Variants in SYT1 observed in about 807,000 individuals in gnomAD.
SYT1 encodes synaptotagmin-1.
Under a neutral mutation model 44.8 loss-of-function variants are expected in SYT1, and 8 were observed. The observed-to-expected ratio is 0.18, with a 90% CI of 0.10 to 0.32. The LOEUF (loss-of-function observed/expected upper bound fraction) is 0.32. Among genes scored for constraint, SYT1 ranks in the 10% least tolerant of loss-of-function variants. The pLI is 1.00. For missense variants in SYT1, 286 were observed against 509.3 expected, an observed-to-expected ratio of 0.56 and a Z score of 4.22; for synonymous variants, 154 against 188.8, an observed-to-expected ratio of 0.82 and a Z score of 1.51.
chr12:79,314,086 G>A (rs1234653071), intron 8 of SYT1, among the ~76,000 whole-genome samples: 2 of 148,268 alleles, frequency 1.3e-5, no homozygotes, highest in Admixed American at 6.7e-5. Context: ...GGAGAATGGC[G>A]TGAACCCGGG....
intron 3 of SYT1, among the ~76,000 whole-genome samples, chr12:79,177,958 A>G (rs1592822151): frequency 1.3e-5 from 2 of 148,248 alleles, no homozygotes; most frequent in South Asian, 2.1e-4. Flanking sequence ...CCTTTGTCAG[A>G]TGAGTAGTTT....
At chr12:79,368,729 A>G (rs1312258796) in intron 9 of SYT1, among the ~76,000 whole-genome samples, 1 of 151,586 alleles carries the variant, frequency 6.6e-6, no homozygotes, top group Non-Finnish European at 1.5e-5. Context: ...TCCTTCGCCC[A>G]CTTTTTGATG....
At chr12:78,868,666 C>T (rs987934734) in intron 1 of SYT1, 1 of 151,700 alleles carries the variant, frequency 6.6e-6, no homozygotes, top group African/African-American at 2.4e-5. Context: ...GGACAGTAGA[C>T]TATAATTTGC....
intron 3 of SYT1, among the ~76,000 whole-genome samples, chr12:79,086,198 T>C (rs1323338420): frequency 2.6e-5 from 4 of 152,108 alleles, no homozygotes; most frequent in African/African-American, 9.7e-5. Flanking sequence ...ATCATCATTG[T>C]TATATAAATG....
intron 8 of SYT1, among the ~76,000 whole-genome samples, chr12:79,339,290 T>C (rs1412580699): frequency 1.3e-5 from 2 of 152,202 alleles, no homozygotes; most frequent in Non-Finnish European, 2.9e-5. Flanking sequence ...CCACCAACAG[T>C]GTAAAAGTGT....
intron 3 of SYT1, among the ~76,000 whole-genome samples, chr12:79,086,230 C>A (rs1402797803): frequency 6.6e-6 from 1 of 151,830 alleles, no homozygotes; most frequent in Non-Finnish European, 1.5e-5. Context: ...ATGAGAAAAA[C>A]CTAACACTTG....
chr12:78,903,630 T>C (rs1260189115), intron 1 of SYT1, among the ~76,000 whole-genome samples: 1 of 152,120 alleles, frequency 6.6e-6, no homozygotes, highest in Non-Finnish European at 1.5e-5. Context: ...TATAATTATC[T>C]GTACAATTCA....
At chr12:78,896,219 C>A (rs1327863314) in intron 1 of SYT1, among the ~76,000 whole-genome samples, 1 of 151,522 alleles carries the variant, frequency 6.6e-6, no homozygotes, top group African/African-American at 2.4e-5. Context: ...TTGCTGCTTG[C>A]CCTATTTGAA....
chr12:79,242,311 T>C (rs759206577), intron 4 of SYT1, among the ~76,000 whole-genome samples: 2 of 152,212 alleles, frequency 1.3e-5, no homozygotes, highest in Non-Finnish European at 2.9e-5. Flanking sequence ...AAGAGGGTTA[T>C]AGAGCGGCTT....
At chr12:79,390,006 C>T (rs1884590886) in intron 9 of SYT1, among the ~76,000 whole-genome samples, 1 of 151,670 alleles carries the variant, frequency 6.6e-6, no homozygotes, top group Admixed American at 6.6e-5. Flanking sequence ...GATCTTGGCT[C>T]ACTGCAATTT....
chr12:79,105,639 G>C (rs1173125064), intron 3 of SYT1, among the ~76,000 whole-genome samples: 1 of 152,172 alleles, frequency 6.6e-6, no homozygotes, highest in Non-Finnish European at 1.5e-5. Flanking sequence ...CCAGCACTTT[G>C]GTAGGCCGAG....
At chr12:79,268,299 A>G (rs769380897) in intron 4 of SYT1, among the ~76,000 whole-genome samples, 1 of 152,186 alleles carries the variant, frequency 6.6e-6, no homozygotes, top group Non-Finnish European at 1.5e-5. Flanking sequence ...AAATCATCGA[A>G]AAAATTGTAT....
chr12:79,296,200 C>G lies in SYT1; in HGVS notation c.606C>G (p.Thr202=). The part of the protein sequence containing the change: ...KKFETKVHRK[T]LNPVFNEQFT... ...TTGAGACAAAAGTCCACCGAAAAAC[C>G]CTTAATCCTGTCTTCAATGAGCAAT... Residue 202 remains threonine, a synonymous_variant, in exon 7 of 11, where the codon ACC becomes ACG. Coordinates refer to ENST00000261205, the MANE Select transcript of SYT1 (RefSeq NM_005639.3). 3.7e-6 allele frequency: 6 copies of G among 1,613,424 alleles called. No individual in the cohort carries two copies. The highest frequency in any genetic ancestry group is 4.2e-6 in the Non-Finnish European group (5 of 1,179,756).
intron 9 of SYT1, among the ~76,000 whole-genome samples, chr12:79,424,953 C>T (rs372430438): frequency 8.3e-4 from 71 of 85,204 alleles, no homozygotes; most frequent in Non-Finnish European, 1.2e-3. Context: ...TTTTCTTCTT[C>T]TTTTTTTTTT....
At chr12:79,325,761 C>G (rs1881582231) in intron 8 of SYT1, among the ~76,000 whole-genome samples, 1 of 152,124 alleles carries the variant, frequency 6.6e-6, no homozygotes, top group Non-Finnish European at 1.5e-5. Flanking sequence ...TTGAAGACAG[C>G]TAACCTCCCT....
At chr12:78,934,724 A>AT (rs397850348) in intron 1 of SYT1, among the ~76,000 whole-genome samples, 37 of 125,934 alleles carry the variant, frequency 2.9e-4, no homozygotes, top group Non-Finnish European at 5.2e-4. Context: ...AAATCTGAAC[A>AT]TTTTTTTGAA....
intron 3 of SYT1, among the ~76,000 whole-genome samples, chr12:79,065,216 A>G (rs894597107): frequency 6.6e-6 from 1 of 152,140 alleles, no homozygotes; most frequent in Non-Finnish European, 1.5e-5. Context: ...TCACAAAAAT[A>G]AAAACAAACA....
chr12:79,053,224 G>C (rs1874656667), intron 3 of SYT1, among the ~76,000 whole-genome samples: 1 of 152,104 alleles, frequency 6.6e-6, no homozygotes, highest in African/African-American at 2.4e-5. Context: ...AGATGAAGCT[G>C]GAAACCATCA....
chr12:79,296,012 T>C, intron 6 of SYT1, 57 bp from the exon 7 acceptor site: 1 of 1,534,906 alleles, frequency 6.5e-7, no homozygotes, highest in Admixed American at 2.1e-5. Flanking sequence ...AACAAATCGA[T>C]CTTTTCCAAA....
Sources: gnomAD v4.1 joint callset for allele counts (sites outside exome capture counted in the v4.1 genomes callset) on GRCh38, gnomAD v4.1.1 for gene constraint, MANE v1.5 for transcripts, NCBI Gene and HGNC (gene_info 2026-07-23, HGNC 2026-07-21) for gene names.